C1orf50: variants seen among roughly 807,000 people sequenced by gnomAD.
The protein encoded by C1orf50 is uncharacterized protein C1orf50.
Under a neutral mutation model 23.3 loss-of-function variants are expected in C1orf50, and 22 were observed. That is an observed-to-expected ratio of 0.94 (90% CI 0.67 to 1.35). C1orf50 has a LOEUF of 1.35. Among genes scored for constraint, C1orf50 ranks in the 40% most tolerant of loss-of-function variants. The probability of loss-of-function intolerance (pLI) is 0.00; values close to 1 mark genes in which losing one functional copy is unlikely to be tolerated. For synonymous variants in C1orf50, 96 were observed against 102.4 expected (o/e 0.94, Z 0.38); for missense variants, 271 against 249.4 (o/e 1.09, Z -0.58).
chr1:42,775,177 C>G (rs1653308415), intron 4 of C1orf50, 32 bp from the exon 5 acceptor site: 1 of 1,566,962 alleles, frequency 6.4e-7, no homozygotes, highest in Non-Finnish European at 8.8e-7. Context: ...ACAACCCACG[C>G]TGATGGGAAC....
intron 2 of C1orf50, among the ~76,000 whole-genome samples, chr1:42,771,851 G>A (rs967279273): frequency 3.9e-5 from 6 of 151,918 alleles, no homozygotes; most frequent in Non-Finnish European, 8.8e-5. Flanking sequence ...GGTGACGCAT[G>A]CCTGTGGTCC....
intron 2 of C1orf50, 51 bp from the exon 3 acceptor site, chr1:42,773,512 T>C (rs535694545): frequency 9.1e-7 from 1 of 1,095,956 alleles, no homozygotes; most frequent in Non-Finnish European, 1.4e-6. Flanking sequence ...AAGAACATCA[T>C]AGAAGTCTTT....
In C1orf50 at chr1:42,776,076, A is replaced by T. The variant is rs1393249204; in HGVS notation, c.*682A>T. Reference sequence around the variant, plus strand: ...GGGAGAGTCAACTTTGAAACTCACAAATTTTAGACTTGGAAGAGACATTGG... The same window carrying T: ...GGGAGAGTCAACTTTGAAACTCACATATTTTAGACTTGGAAGAGACATTGG... On this transcript the variant is annotated 3_prime_UTR_variant, in exon 5 of 5. Transcript: ENST00000372525. The T allele has an allele frequency of 1.3e-5, 2 of 152,156 alleles. No individual in the cohort carries two copies. Among genetic ancestry groups the T allele is most frequent in the African/African-American group, 4.8e-5 (2 of 41,420 alleles). The allele number at this position is 152,156 out of a possible 1,614,324, so 9.4% of individuals were successfully genotyped here.
rs974888759 is a variant in C1orf50, at chr1:42,777,971, A to C, written c.*2577A>C. On this transcript the variant is annotated 3_prime_UTR_variant, in exon 5 of 5. Coordinates refer to ENST00000372525, the MANE Select transcript of C1orf50 (RefSeq NM_024097.4). The stretch of plus-strand genomic sequence containing the variant: ...CTCACTCTTGACATTTCCTAACCTA[A>C]AGAGTGGGAGAGTAGTGATTGAAAA... The C allele has an allele frequency of 2.0e-5, 3 of 151,780 alleles. No individual in the cohort carries two copies. Among genetic ancestry groups the C allele is most frequent in the African/African-American group, 7.3e-5 (3 of 41,280 alleles). The allele number at this position is 151,780 out of a possible 1,614,324, so 9.4% of individuals were successfully genotyped here.
At position 42,767,559 on chromosome 1, in the gene C1orf50, C is replaced by A. The variant is rs771419725; in HGVS notation, c.130C>A (p.Pro44Thr). 1.2e-6 allele frequency: 2 copies of A among 1,609,884 alleles called. No homozygotes were observed. Among genetic ancestry groups the A allele is most frequent in the South Asian group, 2.2e-5 (2 of 90,346 alleles). ...CCCCGGCGGCCTGGCCCTGGTGAGC[C>A]CCTACCACACCCACCGGGCCGGGGA... is the stretch of plus-strand genomic sequence containing the variant. ...PTPGGLALVS[P>T]YHTHRAGDPL... The change falls in exon 2 of 5, where the codon CCC (proline) becomes ACC (threonine). Residue 44 changes from proline (P) to threonine (T), a missense_variant. Transcript: ENST00000372525.
At chr1:42,768,207 A>G (rs957078510) in intron 2 of C1orf50, among the ~76,000 whole-genome samples, 3 of 152,248 alleles carry the variant, frequency 2.0e-5, no homozygotes, top group African/African-American at 7.2e-5. Context: ...TTTTGATACT[A>G]ACTTGCAGTG....
rs1457415370 is a variant in C1orf50 at position 42,777,075 on chromosome 1, A to C, written c.*1681A>C. 6.6e-6 allele frequency: 1 copy of C among 152,182 alleles called. No homozygotes were observed. The highest frequency in any genetic ancestry group is 2.4e-5 in the African/African-American group (1 of 41,432). The allele number at this position is 152,182 out of a possible 1,614,324, so 9.4% of individuals were successfully genotyped here. On this transcript the variant is annotated 3_prime_UTR_variant, in exon 5 of 5. Transcript: ENST00000372525. The stretch of plus-strand genomic sequence containing the variant: ...AAGGATCTGCTTCCAAGCTCACTTA[A>C]ATTGTTAGCAGAATTTCTTTTCTTT...
In C1orf50 at chr1:42,775,258, A is replaced by G; in HGVS notation, c.464A>G (p.Gln155Arg). The G allele has an allele frequency of 6.2e-7, 1 of 1,609,390 alleles. No homozygotes were observed. The highest frequency in any genetic ancestry group is 8.5e-7 in the Non-Finnish European group (1 of 1,176,012). ...GACTTCCTTGGTGCCTACAAACTACAGCATGACTTGTCCTGGACTCCGTAT... is the reference window on the plus strand; with the variant it reads ...GACTTCCTTGGTGCCTACAAACTACGGCATGACTTGTCCTGGACTCCGTAT... The part of the protein sequence containing the change: ...PHDFLGAYKL[Q>R]HDLSWTPYED... The change falls in exon 5 of 5, where the codon CAG (glutamine) becomes CGG (arginine). Residue 155 changes from glutamine to arginine, a missense_variant. Physicochemically the swap from Gln to Arg is conservative, Grantham distance 43. Coordinates refer to ENST00000372525, the MANE Select transcript of C1orf50 (RefSeq NM_024097.4).
chr1:42,767,427 C>T (rs1417746851), intron 1 of C1orf50, 37 bp downstream of exon 1: 4 of 1,553,626 alleles, frequency 2.6e-6, no homozygotes, highest in South Asian at 2.4e-5. Context: ...GAAGTCAGCT[C>T]CCGCGAGGCA....
Position 42,767,343 on chromosome 1 carries a change from A to AG in C1orf50, c.37dup (p.Val13GlyfsTer3), listed in dbSNP as rs780176041. 3.3e-5 allele frequency: 51 copies of AG among 1,535,670 alleles called. No homozygotes were observed. Among genetic ancestry groups the AG allele is most frequent in the Middle Eastern group, 2.1e-4 (1 of 4,736 alleles). ...GACGCCGCCGCGCCGGGGCGGACCG[A>AG]GGGGGTCCTTGAAAGGCAAGGAGCG... On this transcript the variant is annotated frameshift_variant, in exon 1 of 5. Coordinates refer to ENST00000372525, the MANE Select transcript of C1orf50 (RefSeq NM_024097.4). LOFTEE classifies it high-confidence loss of function.
Position 42,774,844 on chromosome 1 carries a change from G to A in C1orf50, c.390G>A (p.Gln130=), listed in dbSNP as rs1451982641. ...TCTATAAACGGGAGAGTGGTCAGCA[G>A]TATTTTTCCATCATTTCTCCAAAGG... is the stretch of plus-strand genomic sequence containing the variant. ...YYLYKRESGQ[Q]YFSIISPKEW... is the part of the protein sequence containing the mutation. The change falls in exon 4 of 5, where the codon CAG becomes CAA. Residue 130 remains glutamine, a synonymous_variant. Coordinates refer to ENST00000372525, the MANE Select transcript of C1orf50 (RefSeq NM_024097.4). The A allele has an allele frequency of 3.1e-6, 5 of 1,612,476 alleles. No individual in the cohort carries two copies. The highest frequency in any genetic ancestry group is 4.2e-6 in the Non-Finnish European group (5 of 1,179,578).
chr1:42,778,558 T>C lies in C1orf50; in HGVS notation c.*3164T>C, dbSNP rs1653383665. 1 of 152,110 alleles carries C rather than the reference T, an allele frequency of 6.6e-6. No homozygotes were observed. 9.4% of individuals were successfully genotyped at this position (152,110 alleles called of 1,614,324 possible). ...GGGTTCATTTTTGGATGGAGTTTAT[T>C]TGTGAATGAAGAAAGTGACAACCAT... On this transcript the variant is annotated 3_prime_UTR_variant, in exon 5 of 5. Coordinates refer to ENST00000372525, the MANE Select transcript of C1orf50 (RefSeq NM_024097.4).
intron 2 of C1orf50, 114 bp from the exon 3 acceptor site, chr1:42,773,443 AGAATGG>A: frequency 3.2e-6 from 2 of 620,766 alleles, no homozygotes; most frequent in Non-Finnish European, 5.7e-6. Context: ...GGCAGTGGCA[AGAATGG>A]GAAAAATATT....
intron 2 of C1orf50, among the ~76,000 whole-genome samples, chr1:42,771,847 G>A (rs939205313): frequency 2.0e-5 from 3 of 151,844 alleles, no homozygotes; most frequent in Admixed American, 6.6e-5. Flanking sequence ...GCATGGTGAC[G>A]CATGCCTGTG....
In C1orf50 at chr1:42,779,116, G is replaced by A. The variant is rs899766080; in HGVS notation, c.*3722G>A. 3 of 152,090 alleles carry A rather than the reference G, an allele frequency of 2.0e-5. No individual in the cohort carries two copies. The highest frequency in any genetic ancestry group is 2.1e-4 in the South Asian group (1 of 4,814). The allele number at this position is 152,090 out of a possible 1,614,324, so 9.4% of individuals were successfully genotyped here. A position where few individuals can be genotyped will look rare whatever the true frequency, so the allele number is the denominator to read the frequency against. On this transcript the variant is annotated 3_prime_UTR_variant, in exon 5 of 5. Transcript: ENST00000372525. ...TAACAAGCTGGGCGCAGTGGCTCAC[G>A]CCTGTAATCCCAGCACTTTGGGCGG... is the stretch of plus-strand genomic sequence containing the variant.
At chr1:42,770,341 G>A (rs1035523093) in intron 2 of C1orf50, among the ~76,000 whole-genome samples, 5 of 151,964 alleles carry the variant, frequency 3.3e-5, no homozygotes, top group Non-Finnish European at 5.9e-5. Flanking sequence ...GAAAAGGGAG[G>A]GTTATTATAA....
chr1:42,767,752 A>G lies in C1orf50; in HGVS notation c.195+128A>G, dbSNP rs554030532. On this transcript the variant is annotated intron_variant, in intron 2 of 4. Coordinates refer to ENST00000372525, the MANE Select transcript of C1orf50 (RefSeq NM_024097.4). ...TGCTCTTGTCTCCATTTTACAGACG[A>G]GTAAAGCCGACTGTCATTGTGAGTC... 8.3e-5 allele frequency: 68 copies of G among 816,862 alleles called. No homozygotes were observed. The South Asian group carries it at 1.2e-3, about 14-fold the overall frequency. The allele number at this position is 816,862 out of a possible 1,614,324, so 50.6% of individuals were successfully genotyped here.
At chr1:42,771,543 T>C (rs1653220433) in intron 2 of C1orf50, among the ~76,000 whole-genome samples, 1 of 152,090 alleles carries the variant, frequency 6.6e-6, no homozygotes, top group African/African-American at 2.4e-5. Flanking sequence ...GAAGGCTTAA[T>C]ATCAAATGCA....
At chr1:42,773,493 G>A in intron 2 of C1orf50, 70 bp from the exon 3 acceptor site, 1 of 948,030 alleles carries the variant, frequency 1.1e-6, no homozygotes, top group South Asian at 1.4e-5. Context: ...ATAACCCTGG[G>A]ATCAAGATAA....
Sources: allele counts gnomAD v4.1 joint callset (sites outside exome capture counted in the v4.1 genomes callset), GRCh38; gene constraint gnomAD v4.1.1; transcripts MANE v1.5; gene names NCBI Gene and HGNC (gene_info 2026-07-23, HGNC 2026-07-21).